Variants in ZNF486 observed in about 807,000 individuals in gnomAD.
ZNF486 encodes zinc finger protein 486.
Under a neutral mutation model 12.8 loss-of-function variants are expected in ZNF486, and 12 were observed. The observed-to-expected ratio is 0.94, with a 90% CI of 0.60 to 1.52. The LOEUF (loss-of-function observed/expected upper bound fraction) is 1.52, where lower values mean the gene tolerates loss of function less well. Among genes scored for constraint, ZNF486 ranks in the 40% most tolerant of loss-of-function variants. The pLI, the probability that ZNF486 is intolerant of heterozygous loss-of-function variation, is 0.00. For synonymous variants in ZNF486, 231 were observed against 184.9 expected, an observed-to-expected ratio of 1.25 and a Z score of -2.02; for missense variants, 738 against 545.0, an observed-to-expected ratio of 1.35 and a Z score of -3.53.
At chr19:20,168,857 T>G (rs1314544871) in intron 1 of ZNF486, among the ~76,000 whole-genome samples, 1 of 152,000 alleles carries the variant, frequency 6.6e-6, no homozygotes, top group Non-Finnish European at 1.5e-5. Context: ...AATTTTTTTT[T>G]TTTGAGACAG....
At chr19:20,189,069 C>G (rs1194806353) in intron 3 of ZNF486, among the ~76,000 whole-genome samples, 1 of 152,012 alleles carries the variant, frequency 6.6e-6, no homozygotes, top group Non-Finnish European at 1.5e-5. Flanking sequence ...CTTCCAGGTC[C>G]TGTGTTGCTT....
Position 20,197,013 on chromosome 19 carries a change from A to T in ZNF486, c.303A>T (p.Lys101Asn), listed in dbSNP as rs559002129. The change falls in exon 4 of 4, where the codon AAA becomes AAT. Residue 101 changes from lysine (K) to asparagine (N), a missense_variant. Transcript: ENST00000335117. ...ACCTTTGGCCAGAGCAGAGCATAAA[A>T]GATTCTTACCAAAAAGTGATACTGA... ...AQDLWPEQSI[K>N]DSYQKVILRK... The T allele has an allele frequency of 2.5e-6, 4 of 1,603,008 alleles. No individual in the cohort carries two copies. Among genetic ancestry groups the T allele is most frequent in the Non-Finnish European group, 1.7e-6 (2 of 1,176,576 alleles).
rs1261860346 is a variant in ZNF486 at position 20,199,372 on chromosome 19, A to G, written c.*1270A>G. On this transcript the variant is annotated 3_prime_UTR_variant, in exon 4 of 4. Transcript: ENST00000335117. ...TAAAGCGGTTGCCAAACTTTGTGCAACATCAGGGAATGTATATTGAAGAAG... is the reference window on the plus strand; with the variant it reads ...TAAAGCGGTTGCCAAACTTTGTGCAGCATCAGGGAATGTATATTGAAGAAG... The G allele has an allele frequency of 6.6e-6, 1 of 152,182 alleles. No homozygotes were observed. The highest frequency in any genetic ancestry group is 2.4e-5 in the African/African-American group (1 of 41,464). 9.4% of individuals were successfully genotyped at this position (152,182 alleles called of 1,614,324 possible).
intron 1 of ZNF486, among the ~76,000 whole-genome samples, chr19:20,174,324 A>G (rs1468618907): frequency 6.6e-6 from 1 of 152,090 alleles, no homozygotes; most frequent in Non-Finnish European, 1.5e-5. Context: ...TAATTAGCAT[A>G]GTTATGTGTA....
Position 20,197,896 on chromosome 19 carries a change from C to T in ZNF486, c.1186C>T (p.His396Tyr). The change falls in exon 4 of 4, where the codon CAT (histidine) becomes TAT (tyrosine). Residue 396 changes from histidine to tyrosine, a missense_variant. Coordinates refer to ENST00000335117, the MANE Select transcript of ZNF486 (RefSeq NM_052852.4). ...AFTWSAGLHK[H>Y]RRTHTGEKPY... is the part of the protein sequence containing the mutation. Reference sequence around the variant, plus strand: ...TACATGGTCTGCAGGCCTCCATAAACATAGGAGAACTCATACTGGAGAGAA... The same window carrying T: ...TACATGGTCTGCAGGCCTCCATAAATATAGGAGAACTCATACTGGAGAGAA... 1 of 1,613,368 alleles carries T rather than the reference C, an allele frequency of 6.2e-7. No individual in the cohort carries two copies. The highest frequency in any genetic ancestry group is 1.3e-5 in the African/African-American group (1 of 74,698).
chr19:20,189,580 C>T (rs1012857922), intron 3 of ZNF486, among the ~76,000 whole-genome samples: 4 of 152,100 alleles, frequency 2.6e-5, no homozygotes, highest in Non-Finnish European at 5.9e-5. Context: ...TTTAATTTCT[C>T]TACAAATCAG....
At chr19:20,188,467 G>A in intron 3 of ZNF486, 1 of 398,460 alleles carries the variant, frequency 2.5e-6, no homozygotes, top group Non-Finnish European at 4.4e-6. Flanking sequence ...GAGGATCCCT[G>A]GAGCCCAAAA....
intron 1 of ZNF486, among the ~76,000 whole-genome samples, chr19:20,169,583 T>G (rs1555713555): frequency 1.3e-5 from 2 of 152,016 alleles, no homozygotes; most frequent in East Asian, 1.9e-4. Context: ...ACTGGGAGGG[T>G]CTTACTGATA....
intron 3 of ZNF486, among the ~76,000 whole-genome samples, chr19:20,189,504 T>C (rs1406562651): frequency 1.3e-5 from 2 of 152,224 alleles, no homozygotes; most frequent in African/African-American, 2.4e-5. Flanking sequence ...AGATTGGGTG[T>C]TTTTAAAAAA....
Position 20,197,989 on chromosome 19 carries a change from A to T in ZNF486, c.1279A>T (p.Thr427Ser), listed in dbSNP as rs782668881. 6.2e-6 allele frequency: 10 copies of T among 1,613,938 alleles called. No homozygotes were observed. In the East Asian group the frequency reaches 2.2e-4, roughly 36 times the overall value. The change falls in exon 4 of 4, where the codon ACT (threonine) becomes TCT (serine). Residue 427 changes from threonine to serine, a missense_variant. Physicochemically the swap from Thr to Ser is moderately conservative, Grantham distance 58. Coordinates refer to ENST00000335117, the MANE Select transcript of ZNF486 (RefSeq NM_052852.4). ...CTCAAATCTAACTGAACATAAGACA[A>T]CTCATACTGGAGAGAAACCTTACAA... ...TSSNLTEHKTTHTGEKPYKCK... is the reference protein window; with the variant it reads ...TSSNLTEHKTSHTGEKPYKCK...
At chr19:20,189,176 G>A (rs1555716860) in intron 3 of ZNF486, among the ~76,000 whole-genome samples, 1 of 152,022 alleles carries the variant, frequency 6.6e-6, no homozygotes, top group African/African-American at 2.4e-5. Flanking sequence ...CTGGGTTCAA[G>A]CAATTCTGCT....
chr19:20,172,406 C>A (rs1599694608), intron 1 of ZNF486, among the ~76,000 whole-genome samples: 1 of 151,886 alleles, frequency 6.6e-6, no homozygotes, highest in South Asian at 2.1e-4. Flanking sequence ...TCGAGTGATT[C>A]TCCTGCCTCA....
At position 20,167,243 on chromosome 19, in the gene ZNF486, G is replaced by A. The variant is rs782492507; in HGVS notation, c.-88G>A. 3 of 1,531,188 alleles carry A rather than the reference G, an allele frequency of 2.0e-6. No homozygotes were observed. Among genetic ancestry groups the A allele is most frequent in the African/African-American group, 1.4e-5 (1 of 73,144 alleles). The allele number at this position is 1,531,188 out of a possible 1,614,324, so 94.9% of individuals were successfully genotyped here. On this transcript the variant is annotated 5_prime_UTR_variant, in exon 1 of 4. Transcript: ENST00000335117. ...CTCGCTGCATCTGGAGCTCTAGGTCGCCTCTTCGCTACTCTGTGTCCTCTG... is the reference window on the plus strand; with the variant it reads ...CTCGCTGCATCTGGAGCTCTAGGTCACCTCTTCGCTACTCTGTGTCCTCTG...
chr19:20,167,497 C>A, intron 1 of ZNF486, 137 bp downstream of exon 1: 1 of 978,564 alleles, frequency 1.0e-6, no homozygotes, highest in Non-Finnish European at 1.5e-6. Flanking sequence ...CGGCCTCAGT[C>A]CCCTTCAGCC....
chr19:20,177,344 C>A (rs2089731252), intron 1 of ZNF486, among the ~76,000 whole-genome samples: 1 of 152,210 alleles, frequency 6.6e-6, no homozygotes, highest in South Asian at 2.1e-4. Context: ...CTTCAAGCTG[C>A]TAAAATAACT....
At chr19:20,191,237 C>A (rs543410542) in intron 3 of ZNF486, among the ~76,000 whole-genome samples, 1 of 151,894 alleles carries the variant, frequency 6.6e-6, no homozygotes, top group Non-Finnish European at 1.5e-5. Flanking sequence ...TTTGGGAGGC[C>A]GAGGCGGGTG....
Position 20,197,678 on chromosome 19 carries a change from C to A in ZNF486, c.968C>A (p.Thr323Lys). The change falls in exon 4 of 4, where the codon ACG becomes AAG. Residue 323 changes from threonine (T) to lysine (K), a missense_variant. Thr to Lys is a moderately conservative substitution (Grantham distance 78, BLOSUM62 -1). Coordinates refer to ENST00000335117, the MANE Select transcript of ZNF486 (RefSeq NM_052852.4). ...ATTCATACTGGAGAGAAACCGTACA[C>A]GTGTGATAAATGTGGCAAAGCCTTT... ...KKIHTGEKPY[T>K]CDKCGKAFIS... 3.1e-6 allele frequency: 5 copies of A among 1,612,724 alleles called. No homozygotes were observed. The highest frequency in any genetic ancestry group is 4.2e-6 in the Non-Finnish European group (5 of 1,179,580).
At chr19:20,184,522 A>G in intron 2 of ZNF486, 40 bp downstream of exon 2, 1 of 1,538,118 alleles carries the variant, frequency 6.5e-7, no homozygotes, top group Non-Finnish European at 8.7e-7. Flanking sequence ...AAAAACCCCA[A>G]AAGTTTTATT....
chr19:20,180,147 A>G (rs1188035486), intron 1 of ZNF486, among the ~76,000 whole-genome samples: 2 of 152,210 alleles, frequency 1.3e-5, no homozygotes, highest in African/African-American at 4.8e-5. Context: ...GGATGTCCAG[A>G]GCAGAATTGT....
Sources: allele counts gnomAD v4.1 joint callset (sites outside exome capture counted in the v4.1 genomes callset), GRCh38; gene constraint gnomAD v4.1.1; transcripts MANE v1.5; gene names NCBI Gene and HGNC (gene_info 2026-07-23, HGNC 2026-07-21).